Variants in MSR1 observed in about 807,000 individuals in gnomAD.
The protein encoded by MSR1 is macrophage scavenger receptor types I and II.
A neutral mutation model predicts 47.2 loss-of-function variants in MSR1; 53 were observed. The observed-to-expected ratio is 1.12, with a 90% confidence interval of 0.90 to 1.41. The LOEUF is 1.41. Among genes scored for constraint, MSR1 ranks in the 40% most tolerant of loss-of-function variants. The pLI is 0.00. For synonymous variants in MSR1, 239 were observed against 185.6 expected (o/e 1.29, Z -2.34); for missense variants, 786 against 546.9 (o/e 1.44, Z -4.36).
chr8:16,111,853 C>G (rs555275434), intron 9 of MSR1, among the ~76,000 whole-genome samples: 1 of 152,164 alleles, frequency 6.6e-6, no homozygotes, highest in South Asian at 2.1e-4. Context: ...AGGAACTGTA[C>G]GTGCTCAAAG....
At position 16,168,782 on chromosome 8, in the gene MSR1, A is replaced by G. The variant is rs1801396946; in HGVS notation, c.306T>C (p.Asn102=). The change falls in exon 4 of 10, where the codon AAT becomes AAC. Residue 102 remains asparagine, a synonymous_variant. Transcript: ENST00000262101. ...DITQSLTGKG[N]DSEEEMRFQE... The stretch of plus-strand genomic sequence containing the variant: ...GAAATCTCATTTCCTCTTCGCTGTC[A>G]TTTCCTTTTCCCGTGAGACTTTGAG... 5 of 1,613,946 alleles carry G rather than the reference A, an allele frequency of 3.1e-6. No individual in the cohort carries two copies. The highest frequency in any genetic ancestry group is 4.2e-6 in the Non-Finnish European group (5 of 1,180,014).
chr8:16,176,402 G>A (rs942211124), intron 2 of MSR1, among the ~76,000 whole-genome samples: 14 of 151,920 alleles, frequency 9.2e-5, no homozygotes, highest in African/African-American at 3.1e-4. Context: ...AGATACTTAC[G>A]AGGCTGAGGT....
chr8:16,139,553 T>C (rs1800474260), intron 8 of MSR1: 1 of 983,520 alleles, frequency 1.0e-6, no homozygotes, highest in Non-Finnish European at 1.2e-6. Flanking sequence ...GAAAATGTAG[T>C]CTGTTGATCA....
chr8:16,116,523 T>G (rs747515787), intron 9 of MSR1, among the ~76,000 whole-genome samples: 18 of 152,130 alleles, frequency 1.2e-4, no homozygotes, highest in Non-Finnish European at 2.5e-4. Flanking sequence ...CTTGAGAGAC[T>G]TATCTCCACA....
rs1241940892 is a variant in MSR1, at chr8:16,120,590, A to AACTT, written c.1046_1049dup (p.Arg351SerfsTer27). 7 of 1,599,602 alleles carry AACTT rather than the reference A, an allele frequency of 4.4e-6. No homozygotes were observed. Among genetic ancestry groups the AACTT allele is most frequent in the Non-Finnish European group, 5.9e-6 (7 of 1,177,656 alleles). On this transcript the variant is annotated frameshift_variant, in exon 9 of 10. Coordinates refer to ENST00000262101, the MANE Select transcript of MSR1 (RefSeq NM_138715.3). LOFTEE classifies it high-confidence loss of function. ...GAGGGCCGCTCCCACCGACCAGTCG[A>AACTT]ACTTTCGTAAATGGAGCTGTAAAGT...
chr8:16,144,175 T>A (rs982018623), intron 7 of MSR1, among the ~76,000 whole-genome samples: 2 of 152,080 alleles, frequency 1.3e-5, no homozygotes, highest in African/African-American at 4.8e-5. Context: ...AGGGGTGTGG[T>A]ACAAATATTT....
chr8:16,183,933 G>A (rs1801918785), intron 1 of MSR1, among the ~76,000 whole-genome samples: 1 of 146,382 alleles, frequency 6.8e-6, no homozygotes, highest in Non-Finnish European at 1.5e-5. Flanking sequence ...TAGTACAAAA[G>A]TGAGTGATTA....
chr8:16,142,673 A>C (rs1221835794), intron 8 of MSR1, among the ~76,000 whole-genome samples: 1 of 152,142 alleles, frequency 6.6e-6, no homozygotes, highest in African/African-American at 2.4e-5. Flanking sequence ...CTAGATAATG[A>C]TTACAAATAA....
chr8:16,132,693 C>G (rs1302030270), intron 8 of MSR1, among the ~76,000 whole-genome samples: 2 of 152,050 alleles, frequency 1.3e-5, no homozygotes, highest in African/African-American at 2.4e-5. Flanking sequence ...GCCATTTGGC[C>G]AGGCTGGTCT....
At chr8:16,130,581 T>A (rs76039832) in intron 8 of MSR1, among the ~76,000 whole-genome samples, 9,820 of 152,110 alleles carry the variant, frequency 0.065, 577 homozygotes, top group African/African-American at 0.15. Context: ...TTATTTTGTC[T>A]TCGAGGTAAT....
chr8:16,143,301 T>C (rs1800609771), intron 8 of MSR1, among the ~76,000 whole-genome samples: 1 of 152,170 alleles, frequency 6.6e-6, no homozygotes, highest in Admixed American at 6.6e-5. Flanking sequence ...CAATTTTCTT[T>C]GTGGAATTTT....
chr8:16,122,136 A>C (rs923028557), intron 8 of MSR1, among the ~76,000 whole-genome samples: 17 of 152,116 alleles, frequency 1.1e-4, no homozygotes, highest in African/African-American at 4.1e-4. Flanking sequence ...TAGTGTAAGC[A>C]TGCCTGAGTG....
intron 8 of MSR1, among the ~76,000 whole-genome samples, chr8:16,130,411 C>A (rs1800228528): frequency 6.6e-6 from 1 of 152,044 alleles, no homozygotes; most frequent in Admixed American, 6.6e-5. Flanking sequence ...CTTTCTTCTG[C>A]CCCCACTTAG....
At chr8:16,140,291 G>GAA in intron 8 of MSR1, 1 of 729,934 alleles carries the variant, frequency 1.4e-6, no homozygotes, top group Non-Finnish European at 1.7e-6. Flanking sequence ...ACAAGAAAAA[G>GAA]AAAAAAAAAA....
intron 1 of MSR1, among the ~76,000 whole-genome samples, chr8:16,183,781 T>C (rs1801911275): frequency 7.0e-6 from 1 of 143,512 alleles, no homozygotes; most frequent in Non-Finnish European, 1.5e-5. Flanking sequence ...TTATATTATG[T>C]TAATATATTA....
At chr8:16,128,494 C>G (rs1185143138) in intron 8 of MSR1, among the ~76,000 whole-genome samples, 1 of 152,046 alleles carries the variant, frequency 6.6e-6, no homozygotes, top group Non-Finnish European at 1.5e-5. Flanking sequence ...CAGGAGAAGC[C>G]AATCCTGCCC....
At chr8:16,136,159 A>G (rs796822617) in intron 8 of MSR1, among the ~76,000 whole-genome samples, 1 of 152,150 alleles carries the variant, frequency 6.6e-6, no homozygotes, top group Non-Finnish European at 1.5e-5. Context: ...AAGTGGGTCA[A>G]TGCTATCAAA....
intron 1 of MSR1, among the ~76,000 whole-genome samples, chr8:16,187,975 C>A (rs923100433): frequency 6.6e-6 from 1 of 152,112 alleles, no homozygotes; most frequent in Non-Finnish European, 1.5e-5. Flanking sequence ...CATTAGCAGG[C>A]AGTGAACAAC....
chr8:16,147,350 G>A (rs1474297113), intron 7 of MSR1, among the ~76,000 whole-genome samples: 1 of 152,050 alleles, frequency 6.6e-6, no homozygotes, highest in East Asian at 1.9e-4. Flanking sequence ...CGAGCAGTGT[G>A]TACTTAATCC....
Sources: gnomAD v4.1 joint callset for allele counts (sites outside exome capture counted in the v4.1 genomes callset) on GRCh38, gnomAD v4.1.1 for gene constraint, MANE v1.5 for transcripts, NCBI Gene and HGNC (gene_info 2026-07-23, HGNC 2026-07-21) for gene names.